The following IGDCC3 variants were observed in gnomAD, a reference collection of about 807,000 sequenced individuals.
The protein encoded by IGDCC3 is immunoglobulin superfamily DCC subclass member 3.
In IGDCC3, 47 loss-of-function variants were observed where a neutral mutation model predicts 72.0. That is an observed-to-expected ratio of 0.65 (90% CI 0.52 to 0.83). IGDCC3 has a LOEUF of 0.83. Ranked by LOEUF, IGDCC3 falls within the 40% of genes least tolerant of loss-of-function variation. IGDCC3 has a pLI of 0.00. For missense variants in IGDCC3, 1,038 were observed against 1,091.3 expected, an observed-to-expected ratio of 0.95 and a Z score of 0.69; for synonymous variants, 477 against 472.8, an observed-to-expected ratio of 1.01 and a Z score of -0.11.
intron 1 of IGDCC3, among the ~76,000 whole-genome samples, chr15:65,376,679 C>A (rs2091361264): frequency 2.3e-5 from 3 of 131,702 alleles, no homozygotes; most frequent in African/African-American, 8.4e-5. Flanking sequence ...CTTATTCAAA[C>A]CCCTGCGCAT....
intron 6 of IGDCC3, 37 bp from the exon 7 acceptor site, chr15:65,332,143 A>T (rs1422537485): frequency 6.3e-7 from 1 of 1,596,338 alleles, no homozygotes; most frequent in African/African-American, 1.3e-5. Context: ...GCGCAGACAG[A>T]CACAGCTGTG....
intron 5 of IGDCC3, 42 bp downstream of exon 5, chr15:65,334,686 G>A: frequency 2.0e-6 from 3 of 1,495,818 alleles, no homozygotes; most frequent in Non-Finnish European, 1.8e-6. Flanking sequence ...CCAGGGGGTG[G>A]GACAGGCTGG....
At position 65,330,317 on chromosome 15, in the gene IGDCC3, A is replaced by G; in HGVS notation, c.1834T>C (p.Leu612=). The G allele has an allele frequency of 6.2e-7, 1 of 1,613,764 alleles. No homozygotes were observed. Among genetic ancestry groups the G allele is most frequent in the East Asian group, 2.2e-5 (1 of 44,866 alleles). ...DGNATVRFVS[L]RGASERTALS... is the part of the protein sequence containing the mutation. ...CCTGTCCTCTCAGATGCTCCCCTCAAAGACACAAAGCGGACTGTGGCATTG... is the reference window on the plus strand; with the variant it reads ...CCTGTCCTCTCAGATGCTCCCCTCAGAGACACAAAGCGGACTGTGGCATTG... The change falls in exon 11 of 14, where the codon TTG becomes CTG. Residue 612 remains leucine (L), a synonymous_variant. Transcript: ENST00000327987.
At chr15:65,359,161 A>G (rs573497610) in intron 2 of IGDCC3, among the ~76,000 whole-genome samples, 1 of 152,292 alleles carries the variant, frequency 6.6e-6, no homozygotes, top group South Asian at 2.1e-4. Flanking sequence ...CAAACCCAAG[A>G]CCATGAGTAA....
chr15:65,377,778 T>C lies in IGDCC3; in HGVS notation c.11A>G (p.Gln4Arg). 2 of 1,287,382 alleles carry C rather than the reference T, an allele frequency of 1.6e-6. No homozygotes were observed. Among genetic ancestry groups the C allele is most frequent in the South Asian group, 4.7e-5 (2 of 42,676 alleles). The allele number at this position is 1,287,382 out of a possible 1,614,324, so 79.7% of individuals were successfully genotyped here. MAV[Q>R]RAASPRRPPA... ...CGGGCGGCGCGGAGACGCGGCGCGC[T>C]GCACAGCCATGGGGCTCTCGGTCAG... The change falls in exon 1 of 14, where the codon CAG (glutamine) becomes CGG (arginine). Residue 4 changes from glutamine to arginine, a missense_variant. By Grantham distance (43) the Gln-to-Arg change is conservative. Transcript: ENST00000327987. This position sits in a 1 kb window ranked among gnomAD's most constrained non-coding sequence, Gnocchi z 4.9.
intron 2 of IGDCC3, among the ~76,000 whole-genome samples, chr15:65,356,674 G>GT (rs983929578): frequency 3.5e-3 from 78 of 22,400 alleles, no homozygotes; most frequent in Non-Finnish European, 5.4e-3. Flanking sequence ...AACAAAGTGG[G>GT]TTTTTTTTTA....
rs146205195 is a variant in IGDCC3 at position 65,328,945 on chromosome 15, C to T, written c.2409G>A (p.Ala803=). The change falls in exon 14 of 14, where the codon GCG becomes GCA. Residue 803 remains alanine, a synonymous_variant. Transcript: ENST00000327987. Reference sequence around the variant, plus strand: ...AGTGAGCTGGCTGGGTAACCCGGGCCGCTGCAGGCCTGGAAGCCTGGCCTT... The same window carrying T: ...AGTGAGCTGGCTGGGTAACCCGGGCTGCTGCAGGCCTGGAAGCCTGGCCTT... The part of the protein sequence containing the change: ...LSEGQASRPA[A]ARVTQPAHSE... 510 of 1,566,126 alleles carry T rather than the reference C, an allele frequency of 3.3e-4. 1 individual carries two copies. Among genetic ancestry groups the T allele is most frequent in the African/African-American group, 2.8e-3 (202 of 73,024 alleles).
chr15:65,377,766 G>T lies in IGDCC3; in HGVS notation c.23C>A (p.Ser8Tyr). 1 of 1,301,300 alleles carries T rather than the reference G, an allele frequency of 7.7e-7. No individual in the cohort carries two copies. Among genetic ancestry groups the T allele is most frequent in the South Asian group, 2.2e-5 (1 of 44,886 alleles). The allele number at this position is 1,301,300 out of a possible 1,614,324, so 80.6% of individuals were successfully genotyped here. Residue 8 changes from serine (S) to tyrosine (Y), a missense_variant, in exon 1 of 14, where the codon TCT (serine) becomes TAT (tyrosine). By Grantham distance (144) the Ser-to-Tyr change is moderately radical. Transcript: ENST00000327987. The surrounding 1 kb of genome is among the most constrained non-coding windows in gnomAD (Gnocchi z 4.9). MAVQRAA[S>Y]PRRPPAPLWP... ...GAGCGGGGCGGGCGGGCGGCGCGGA[G>T]ACGCGGCGCGCTGCACAGCCATGGG...
At chr15:65,334,922 C>CCCACCACTTTTCAGCTGGACTGT in intron 4 of IGDCC3, 57 bp from the exon 5 acceptor site, 1 of 1,559,184 alleles carries the variant, frequency 6.4e-7, no homozygotes. Flanking sequence ...CGCTTCCTCA[C>CCCACCACTTTTCAGCTGGACTGT]CCCACCCACA....
intron 2 of IGDCC3, among the ~76,000 whole-genome samples, chr15:65,348,658 G>A (rs906530444): frequency 1.7e-4 from 26 of 152,152 alleles, no homozygotes; most frequent in Non-Finnish European, 1.8e-4. Flanking sequence ...TTAATAAAAG[G>A]CAAGGATGCT....
In IGDCC3 at chr15:65,377,745, G is replaced by T. The variant is rs1398168887; in HGVS notation, c.44C>A (p.Pro15Gln). ...RAASPRRPPA[P>Q]LWPRLLLPLL... The stretch of plus-strand genomic sequence containing the variant: ...CGGCAGCAGGAGCCGGGGCCAGAGC[G>T]GGGCGGGCGGGCGGCGCGGAGACGC... The change falls in exon 1 of 14, where the codon CCG (proline) becomes CAG (glutamine). Residue 15 changes from proline (P) to glutamine (Q), a missense_variant. Coordinates refer to ENST00000327987, the MANE Select transcript of IGDCC3 (RefSeq NM_004884.4). The surrounding 1 kb of genome is among the most constrained non-coding windows in gnomAD (Gnocchi z 4.9). 4 of 1,321,878 alleles carry T rather than the reference G, an allele frequency of 3.0e-6. No homozygotes were observed. In the East Asian group the frequency reaches 9.5e-5, roughly 31 times the overall value. The allele number at this position is 1,321,878 out of a possible 1,614,324, so 81.9% of individuals were successfully genotyped here.
intron 8 of IGDCC3, 77 bp downstream of exon 8, chr15:65,331,335 G>A (rs920090931): frequency 1.0e-5 from 16 of 1,563,820 alleles, no homozygotes; most frequent in Admixed American, 8.8e-5. Flanking sequence ...GGGAGGCATC[G>A]GGTCACGACG....
At chr15:65,341,533 G>T (rs1032656847) in intron 2 of IGDCC3, among the ~76,000 whole-genome samples, 1 of 152,076 alleles carries the variant, frequency 6.6e-6, no homozygotes, top group Non-Finnish European at 1.5e-5. Flanking sequence ...AATATTATTC[G>T]GCCTTAAAAA....
At position 65,339,333 on chromosome 15, in the gene IGDCC3, G is replaced by A. The variant is rs888754560; in HGVS notation, c.410-3377C>T. ...CTGACCTCGTGATCCGCCCGCCTTG[G>A]CTTCCCAAAGTGCTGGGATTCCAGG... On this transcript the variant is annotated intron_variant, in intron 2 of 13. Coordinates refer to ENST00000327987, the MANE Select transcript of IGDCC3 (RefSeq NM_004884.4). The surrounding 1 kb of genome is among the most constrained non-coding windows in gnomAD (Gnocchi z 4.1). Among the ~76,000 whole-genome samples, 2 of 152,228 alleles carry A rather than the reference G, an allele frequency of 1.3e-5. No homozygotes were observed. Among genetic ancestry groups the A allele is most frequent in the Non-Finnish European group, 1.5e-5 (1 of 68,038 alleles).
intron 2 of IGDCC3, among the ~76,000 whole-genome samples, chr15:65,344,125 A>G (rs1434581842): frequency 6.6e-6 from 1 of 152,144 alleles, no homozygotes; most frequent in Non-Finnish European, 1.5e-5. Context: ...GAACCCAAAG[A>G]GTATGTTTTG....
Position 65,375,141 on chromosome 15 carries a change from C to G in IGDCC3, c.365G>C (p.Arg122Pro), listed in dbSNP as rs370616217. Residue 122 changes from arginine to proline, a missense_variant, in exon 2 of 14, where the codon CGC becomes CCC. Arg to Pro is a moderately radical substitution (Grantham distance 103). Transcript: ENST00000327987. ...CTTCCGGCTGACCACCAGCCCAAAGCGGTTCTGGGCCACACACTCATAGTC... is the reference window on the plus strand; with the variant it reads ...CTTCCGGCTGACCACCAGCCCAAAGGGGTTCTGGGCCACACACTCATAGTC... The part of the protein sequence containing the change: ...EGDYECVAQN[R>P]FGLVVSRKAR... The G allele has an allele frequency of 1.2e-6, 2 of 1,614,088 alleles. No homozygotes were observed. Among genetic ancestry groups the G allele is most frequent in the Non-Finnish European group, 8.5e-7 (1 of 1,179,994 alleles).
chr15:65,367,351 A>G, intron 2 of IGDCC3, among the ~76,000 whole-genome samples: 1 of 146,040 alleles, frequency 6.8e-6, no homozygotes, highest in East Asian at 2.0e-4. Context: ...TGTCTCAAAA[A>G]AAAAAAAAAA....
rs577167387 is a variant in IGDCC3, at chr15:65,347,077, G to A, written c.410-11121C>T. ...AATCTTCCTTATGTAAACCTGCCCA[G>A]TCCCACAATATCCCTAACTTCCGTC... is the stretch of plus-strand genomic sequence containing the variant. On this transcript the variant is annotated intron_variant, in intron 2 of 13. Transcript: ENST00000327987. Among the ~76,000 whole-genome samples, 3 of 152,254 alleles carry A rather than the reference G, an allele frequency of 2.0e-5. No homozygotes were observed. The East Asian group carries it at 5.8e-4, about 29-fold the overall frequency.
chr15:65,376,203 G>A (rs2091357860), intron 1 of IGDCC3, among the ~76,000 whole-genome samples: 1 of 152,242 alleles, frequency 6.6e-6, no homozygotes, highest in Non-Finnish European at 1.5e-5. Flanking sequence ...AAGGAAGAGG[G>A]TGCTCCTAGA....
Sources: allele counts gnomAD v4.1 joint callset (sites outside exome capture counted in the v4.1 genomes callset), GRCh38; gene constraint gnomAD v4.1.1; non-coding constraint Gnocchi (gnomAD v3.1); transcripts MANE v1.5; gene names NCBI Gene and HGNC (gene_info 2026-07-23, HGNC 2026-07-21).